The following ESPNL variants were observed in gnomAD, a reference collection of about 807,000 sequenced individuals.
ESPNL encodes the protein espin-like protein.
A neutral mutation model predicts 46.8 loss-of-function variants in ESPNL; 49 were observed. The observed-to-expected ratio is 1.05, with a 90% CI of 0.83 to 1.33. The LOEUF is 1.33. Ranked by LOEUF, ESPNL falls within the 40% of genes most tolerant of loss-of-function variation. The probability of loss-of-function intolerance (pLI) is 0.00; values close to 1 mark genes in which losing one functional copy is unlikely to be tolerated. For synonymous variants in ESPNL, 664 were observed against 662.1 expected, an observed-to-expected ratio of 1.00 and a Z score of -0.04; for missense variants, 1,540 against 1,436.6, an observed-to-expected ratio of 1.07 and a Z score of -1.16.
In ESPNL at chr2:238,131,601, C is replaced by T. The variant is rs764322632; in HGVS notation, c.2887C>T (p.Pro963Ser). ...CGCCGTCCCCTGCAGCGGCCCTGAG[C>T]CCACAGCACAGCGGCTGGGGTCCCG... ...HAAVPCSGPE[P>S]TAQRLGSRSQ... Residue 963 changes from proline to serine, a missense_variant, in exon 9 of 9, where the codon CCC (proline) becomes TCC (serine). Coordinates refer to ENST00000343063, the MANE Select transcript of ESPNL (RefSeq NM_194312.4). 2 of 1,611,754 alleles carry T rather than the reference C, an allele frequency of 1.2e-6. No homozygotes were observed. The highest frequency in any genetic ancestry group is 1.1e-5 in the South Asian group (1 of 91,030).
intron 1 of ESPNL, 105 bp downstream of exon 1, chr2:238,100,818 C>A: frequency 2.0e-6 from 2 of 1,006,460 alleles, no homozygotes; most frequent in Non-Finnish European, 2.7e-6. Flanking sequence ...GGCTCCATGG[C>A]CCTGGGCCCT....
chr2:238,130,230 G>T lies in ESPNL; in HGVS notation c.1516G>T (p.Asp506Tyr). 6.2e-7 allele frequency: 1 copy of T among 1,611,572 alleles called. No individual in the cohort carries two copies. ...GPFGELLTEDDLVYLEKQIAD... is the reference protein window; with the variant it reads ...GPFGELLTEDYLVYLEKQIAD... Reference sequence around the variant, plus strand: ...CTTTGGGGAGCTGCTGACAGAGGATGACCTGGTCTACCTGGAGAAGCAGAT... The same window carrying T: ...CTTTGGGGAGCTGCTGACAGAGGATTACCTGGTCTACCTGGAGAAGCAGAT... The change falls in exon 9 of 9, where the codon GAC becomes TAC. Residue 506 changes from aspartate (D) to tyrosine (Y), a missense_variant. Coordinates refer to ENST00000343063, the MANE Select transcript of ESPNL (RefSeq NM_194312.4).
intron 3 of ESPNL, among the ~76,000 whole-genome samples, chr2:238,106,333 C>G (rs754721295): frequency 6.6e-6 from 1 of 152,228 alleles, no homozygotes; most frequent in Non-Finnish European, 1.5e-5. Flanking sequence ...CCCGCCTGCT[C>G]ACCGTGTCCC....
At chr2:238,109,125 G>T (rs1251522928) in intron 4 of ESPNL, among the ~76,000 whole-genome samples, 1 of 152,224 alleles carries the variant, frequency 6.6e-6, no homozygotes, top group African/African-American at 2.4e-5. Context: ...GCATGTCCCT[G>T]ACAGGTGGCT....
chr2:238,119,637 T>G (rs987996516), intron 5 of ESPNL, among the ~76,000 whole-genome samples: 2 of 151,672 alleles, frequency 1.3e-5, no homozygotes, highest in African/African-American at 2.4e-5. Context: ...GGGCAGTTAC[T>G]GTGACAAATC....
chr2:238,104,918 A>T, intron 3 of ESPNL, 76 bp downstream of exon 3: 1 of 1,299,658 alleles, frequency 7.7e-7, no homozygotes, highest in Non-Finnish European at 1.0e-6. Flanking sequence ...TGGAGCCTGG[A>T]TGGGGGCTCC....
At chr2:238,127,162 T>A (rs1267016585) in intron 6 of ESPNL, among the ~76,000 whole-genome samples, 1 of 151,868 alleles carries the variant, frequency 6.6e-6, no homozygotes, top group African/African-American at 2.4e-5. Flanking sequence ...GTGTATGTGA[T>A]TGTGTCTGTG....
At chr2:238,121,276 C>T (rs1254333632) in intron 5 of ESPNL, among the ~76,000 whole-genome samples, 1 of 152,242 alleles carries the variant, frequency 6.6e-6, no homozygotes, top group East Asian at 1.9e-4. Context: ...GAATAGAACC[C>T]TCCATGCTCG....
chr2:238,101,183 A>G (rs1012232970), intron 1 of ESPNL, among the ~76,000 whole-genome samples: 2 of 152,256 alleles, frequency 1.3e-5, no homozygotes, highest in Admixed American at 1.3e-4. Context: ...CTGCCTGCCC[A>G]GTCCCCTTTG....
rs772136363 is a variant in ESPNL, at chr2:238,117,005, G to A, written c.958G>A (p.Ala320Thr). 19 of 1,611,840 alleles carry A rather than the reference G, an allele frequency of 1.2e-5. No individual in the cohort carries two copies. Among genetic ancestry groups the A allele is most frequent in the East Asian group, 4.5e-5 (2 of 44,876 alleles). ...GGAGTACCATGGACACCGGGACTGCGCCCAGTACCTGCGGGAGGTGGCCCA... is the reference window on the plus strand; with the variant it reads ...GGAGTACCATGGACACCGGGACTGCACCCAGTACCTGCGGGAGGTGGCCCA... The part of the protein sequence containing the change: ...LAEYHGHRDC[A>T]QYLREVAQPV... The change falls in exon 5 of 9, where the codon GCC becomes ACC. Residue 320 changes from alanine to threonine, a missense_variant. Coordinates refer to ENST00000343063, the MANE Select transcript of ESPNL (RefSeq NM_194312.4).
At chr2:238,110,949 C>CTTTTTTT (rs5839686) in intron 4 of ESPNL, among the ~76,000 whole-genome samples, 27 of 110,996 alleles carry the variant, frequency 2.4e-4, no homozygotes, top group Non-Finnish European at 4.2e-4. Context: ...ATTAGTTATT[C>CTTTTTTT]TTTTTTTTTT....
intron 5 of ESPNL, among the ~76,000 whole-genome samples, chr2:238,124,840 C>T (rs1347952288): frequency 6.6e-6 from 1 of 150,998 alleles, no homozygotes; most frequent in East Asian, 1.9e-4. Flanking sequence ...AGAGTACATG[C>T]ATGTGTGTGC....
intron 1 of ESPNL, 74 bp from the exon 2 acceptor site, chr2:238,101,867 A>C: frequency 8.7e-7 from 1 of 1,155,826 alleles, no homozygotes; most frequent in Non-Finnish European, 1.2e-6. Context: ...GCCCTCGCCC[A>C]GGGCCCACCT....
intron 4 of ESPNL, among the ~76,000 whole-genome samples, chr2:238,108,686 CG>C (rs1293080030): frequency 2.0e-5 from 3 of 152,190 alleles, no homozygotes; most frequent in African/African-American, 7.2e-5. Flanking sequence ...GAGCCAGCAG[CG>C]TGCTCCAGGC....
intron 5 of ESPNL, among the ~76,000 whole-genome samples, chr2:238,120,684 C>T (rs1174653375): frequency 6.6e-6 from 1 of 152,246 alleles, no homozygotes; most frequent in African/African-American, 2.4e-5. Context: ...GGACTGGAGC[C>T]TGTCTCCGTC....
chr2:238,100,354 C>A lies in ESPNL; in HGVS notation c.-66C>A. On this transcript the variant is annotated 5_prime_UTR_variant, in exon 1 of 9. Transcript: ENST00000343063. ...ATCGGGTAACCAGAGCCGGCAGCTTCATCCACGTCTGAAACAGGAAGCCCC... is the reference window on the plus strand; with the variant it reads ...ATCGGGTAACCAGAGCCGGCAGCTTAATCCACGTCTGAAACAGGAAGCCCC... 7.9e-7 allele frequency: 1 copy of A among 1,266,748 alleles called. No homozygotes were observed. Among genetic ancestry groups the A allele is most frequent in the Middle Eastern group, 2.5e-4 (1 of 3,996 alleles). 78.5% of individuals were successfully genotyped at this position (1,266,748 alleles called of 1,614,324 possible).
chr2:238,123,190 C>G (rs957183645), intron 5 of ESPNL, among the ~76,000 whole-genome samples: 1 of 152,212 alleles, frequency 6.6e-6, no homozygotes, highest in Non-Finnish European at 1.5e-5. Flanking sequence ...CTCAGTCGCT[C>G]CCTGCACACA....
At chr2:238,119,776 C>T (rs1343704822) in intron 5 of ESPNL, among the ~76,000 whole-genome samples, 2 of 152,044 alleles carry the variant, frequency 1.3e-5, no homozygotes, top group African/African-American at 2.4e-5. Flanking sequence ...TCGCCCTCCA[C>T]CCCCCAAACC....
Position 238,131,735 on chromosome 2 carries a change from C to T in ESPNL, c.*3C>T. On this transcript the variant is annotated 3_prime_UTR_variant, in exon 9 of 9. Coordinates refer to ENST00000343063, the MANE Select transcript of ESPNL (RefSeq NM_194312.4). ...AGATGTTCAACTTTGGAGAATGACCCTACTGGCAGCCTGCTTTCCAGAATG... is the reference window on the plus strand; with the variant it reads ...AGATGTTCAACTTTGGAGAATGACCTTACTGGCAGCCTGCTTTCCAGAATG... The T allele has an allele frequency of 1.3e-6, 2 of 1,569,246 alleles. No individual in the cohort carries two copies. The highest frequency in any genetic ancestry group is 1.7e-6 in the Non-Finnish European group (2 of 1,152,486).
Sources: allele counts gnomAD v4.1 joint callset (sites outside exome capture counted in the v4.1 genomes callset), GRCh38; gene constraint gnomAD v4.1.1; transcripts MANE v1.5; gene names NCBI Gene and HGNC (gene_info 2026-07-23, HGNC 2026-07-21).